Variants in PLXNA4 observed in about 807,000 individuals in gnomAD.
PLXNA4 encodes the protein plexin-A4.
Under a neutral mutation model 191.8 loss-of-function variants are expected in PLXNA4, and 44 were observed. That is an observed-to-expected ratio of 0.23 (90% CI 0.18 to 0.29). PLXNA4 has a LOEUF of 0.29. PLXNA4 is among the 10% of genes least tolerant of loss of function. The pLI, the probability that PLXNA4 is intolerant of heterozygous loss-of-function variation, is 1.00. For missense variants in PLXNA4, 1,800 were observed against 2,488.8 expected (o/e 0.72, Z 5.89); for synonymous variants, 1,082 against 1,009.5 (o/e 1.07, Z -1.36).
chr7:132,226,363 G>A (rs73155298), intron 7 of PLXNA4, 103 bp from the exon 8 acceptor site: 61 of 972,640 alleles, frequency 6.3e-5, no homozygotes, highest in African/African-American at 5.4e-4. Context: ...CTCCCCAGGC[G>A]GCTGTTGGCT....
chr7:132,606,040 T>C (rs1802917800), intron 2 of PLXNA4, among the ~76,000 whole-genome samples: 1 of 152,330 alleles, frequency 6.6e-6, no homozygotes, highest in East Asian at 1.9e-4. Flanking sequence ...GGCACACGCC[T>C]GTAACCTCAG....
chr7:132,529,151 T>C (rs1274775839), intron 1 of PLXNA4, among the ~76,000 whole-genome samples: 3 of 152,210 alleles, frequency 2.0e-5, no homozygotes, highest in Non-Finnish European at 4.4e-5. Flanking sequence ...CCCCAGTCCA[T>C]AATAACCCCA....
chr7:132,132,488 C>CTTTCTATTCTATTCTATTCTAT (rs1563048489), intron 31 of PLXNA4, among the ~76,000 whole-genome samples: 25 of 84,492 alleles, frequency 3.0e-4, no homozygotes, highest in Admixed American at 1.1e-3. Context: ...CTCTGCTCTG[C>CTTTCTATTCTATTCTATTCTAT]TCTATTCTTT....
intron 1 of PLXNA4, among the ~76,000 whole-genome samples, chr7:132,550,644 A>C (rs1019768653): frequency 6.6e-6 from 1 of 152,170 alleles, no homozygotes; most frequent in Admixed American, 6.5e-5. Context: ...TGCTATACAC[A>C]ATTAACCTCC....
chr7:132,611,921 G>A (rs186147780), intron 2 of PLXNA4, among the ~76,000 whole-genome samples: 54 of 152,142 alleles, frequency 3.5e-4, no homozygotes, highest in African/African-American at 1.3e-3. Context: ...GGGGCTCCAT[G>A]AAATCACTGG....
intron 3 of PLXNA4, among the ~76,000 whole-genome samples, chr7:132,380,005 A>G (rs1275829195): frequency 6.6e-6 from 1 of 152,174 alleles, no homozygotes; most frequent in Non-Finnish European, 1.5e-5. Context: ...ACCTCATAAT[A>G]TAACAGTGGC....
At chr7:132,613,005 A>C (rs1051402291) in intron 2 of PLXNA4, among the ~76,000 whole-genome samples, 1 of 152,226 alleles carries the variant, frequency 6.6e-6, no homozygotes, top group Non-Finnish European at 1.5e-5. Context: ...AAACGGACTT[A>C]ATCTTTATGC....
intron 2 of PLXNA4, among the ~76,000 whole-genome samples, chr7:132,493,128 G>T (rs768278718): frequency 2.6e-5 from 4 of 152,160 alleles, no homozygotes; most frequent in Non-Finnish European, 4.4e-5. Context: ...CCTTCAACAG[G>T]TGAGGGTTGA....
At position 132,298,009 on chromosome 7, in the gene PLXNA4, C is replaced by G. The variant is rs1049723694; in HGVS notation, c.1503+82G>C. 2.8e-5 allele frequency: 43 copies of G among 1,546,234 alleles called. No individual in the cohort carries two copies. In the African/African-American group the frequency reaches 4.5e-4, roughly 16 times the overall value. Reference sequence around the variant, plus strand: ...AATAAATCAAATCACCTCTCTGCAGCTGGCCTCCTAAGGTTTGTACTGAGC... The same window carrying G: ...AATAAATCAAATCACCTCTCTGCAGGTGGCCTCCTAAGGTTTGTACTGAGC... On this transcript the variant is annotated intron_variant, in intron 4 of 31. Transcript: ENST00000321063.
chr7:132,339,700 G>A (rs1802950912), intron 3 of PLXNA4, among the ~76,000 whole-genome samples: 1 of 152,086 alleles, frequency 6.6e-6, no homozygotes, highest in South Asian at 2.1e-4. Flanking sequence ...TACAATAATT[G>A]TAAATGTTTA....
At chr7:132,487,908 GTATGAAATACAATTCTTTGCAGGGAAT>G (rs1797625579) in intron 3 of PLXNA4, among the ~76,000 whole-genome samples, 1 of 152,178 alleles carries the variant, frequency 6.6e-6, no homozygotes, top group South Asian at 2.1e-4. Flanking sequence ...CAGAACGGAG[GTATGAAATACAATTCTTTGCAGGGAAT>G]TATGAAATAC....
At chr7:132,418,549 T>C (rs984339571) in intron 3 of PLXNA4, among the ~76,000 whole-genome samples, 4 of 152,192 alleles carry the variant, frequency 2.6e-5, no homozygotes, top group Non-Finnish European at 2.9e-5. Context: ...TTTGAGAACA[T>C]GAAGCTTGGC....
chr7:132,231,396 A>AT (rs564379377), intron 5 of PLXNA4, among the ~76,000 whole-genome samples: 1 of 152,140 alleles, frequency 6.6e-6, no homozygotes, highest in Admixed American at 6.5e-5. Context: ...GATTTATTTT[A>AT]TTTTTTATCT....
intron 2 of PLXNA4, among the ~76,000 whole-genome samples, chr7:132,610,587 C>T (rs116313576): frequency 0.01 from 1,599 of 152,368 alleles, 33 homozygotes; most frequent in African/African-American, 0.037. Context: ...CTGCAGCAAC[C>T]TGCCCTAACA....
chr7:132,311,188 G>GTGTGTGTGTGTGTGTT (rs1387461691), intron 3 of PLXNA4, among the ~76,000 whole-genome samples: 4 of 136,450 alleles, frequency 2.9e-5, no homozygotes, highest in African/African-American at 1.1e-4. Context: ...GTGTGTGTGT[G>GTGTGTGTGTGTGTGTT]TGTGTGCGCG....
At chr7:132,276,670 G>C (rs1800293534) in intron 4 of PLXNA4, among the ~76,000 whole-genome samples, 1 of 152,172 alleles carries the variant, frequency 6.6e-6, no homozygotes. Flanking sequence ...TATTATTTCT[G>C]TGGAATGGCA....
intron 3 of PLXNA4, among the ~76,000 whole-genome samples, chr7:132,403,662 C>G (rs1333868915): frequency 6.6e-6 from 1 of 152,162 alleles, no homozygotes; most frequent in African/African-American, 2.4e-5. Flanking sequence ...TCTCCAACCT[C>G]CTCCCACCCC....
intron 3 of PLXNA4, among the ~76,000 whole-genome samples, chr7:132,298,921 G>T (rs1563020350): frequency 1.3e-5 from 2 of 152,212 alleles, no homozygotes; most frequent in Non-Finnish European, 2.9e-5. Context: ...CCATCCATAA[G>T]TCCTTCCTAG....
At chr7:132,609,030 A>G (rs1178372456) in intron 2 of PLXNA4, among the ~76,000 whole-genome samples, 1 of 152,046 alleles carries the variant, frequency 6.6e-6, no homozygotes, top group Non-Finnish European at 1.5e-5. Context: ...CTACCCTGTC[A>G]CTACCTGCTG....
Sources: gnomAD v4.1 joint callset for allele counts (sites outside exome capture counted in the v4.1 genomes callset) on GRCh38, gnomAD v4.1.1 for gene constraint, MANE v1.5 for transcripts, NCBI Gene and HGNC (gene_info 2026-07-23, HGNC 2026-07-21) for gene names.